Variants in MEI4 observed in about 807,000 individuals in gnomAD.
MEI4 encodes meiotic double-stranded break formation protein 4, also known as meiosis-specific protein MEI4.
Under a neutral mutation model 31.4 loss-of-function variants are expected in MEI4, and 27 were observed. The ratio of observed to expected loss-of-function variants is 0.86; its 90% CI spans 0.63 to 1.19. The LOEUF (loss-of-function observed/expected upper bound fraction) is 1.19, where lower values mean the gene tolerates loss of function less well. Ranked by LOEUF, MEI4 falls within the 50% of genes most tolerant of loss-of-function variation. The pLI is 0.00. For missense variants in MEI4, 329 were observed against 398.9 expected, an observed-to-expected ratio of 0.82 and a Z score of 1.49; for synonymous variants, 122 against 145.4, an observed-to-expected ratio of 0.84 and a Z score of 1.16.
intron 2 of MEI4, among the ~76,000 whole-genome samples, chr6:77,741,155 A>G (rs550791626): frequency 2.9e-4 from 44 of 152,304 alleles, no homozygotes; most frequent in African/African-American, 1.1e-3. Flanking sequence ...TATGTTAATT[A>G]GCATGGCATG....
intron 4 of MEI4, among the ~76,000 whole-genome samples, chr6:77,867,297 A>G (rs1376721955): frequency 2.0e-5 from 3 of 152,232 alleles, no homozygotes; most frequent in Non-Finnish European, 4.4e-5. Flanking sequence ...AACCTACAGA[A>G]TGGGAGAAAA....
intron 4 of MEI4, among the ~76,000 whole-genome samples, chr6:77,829,902 C>T (rs1770037452): frequency 6.6e-6 from 1 of 151,974 alleles, no homozygotes; most frequent in Non-Finnish European, 1.5e-5. Flanking sequence ...AAATATTATG[C>T]AATCTAATTG....
At chr6:77,735,647 C>T (rs182760530) in intron 2 of MEI4, among the ~76,000 whole-genome samples, 29 of 152,224 alleles carry the variant, frequency 1.9e-4, no homozygotes, top group Admixed American at 1.5e-3. Flanking sequence ...CAAAGTCATT[C>T]TCTGTCCAGC....
At chr6:77,873,198 A>T (rs959274286) in intron 4 of MEI4, among the ~76,000 whole-genome samples, 6 of 152,152 alleles carry the variant, frequency 3.9e-5, no homozygotes, top group Admixed American at 3.9e-4. Context: ...ACAATGGTTG[A>T]ACTAGTTTAC....
intron 3 of MEI4, among the ~76,000 whole-genome samples, chr6:77,775,254 A>G (rs757493594): frequency 6.6e-6 from 1 of 152,148 alleles, no homozygotes; most frequent in Non-Finnish European, 1.5e-5. Context: ...TAAGTTCTTT[A>G]GTCGTCATTT....
chr6:77,769,453 A>T (rs995255498), intron 3 of MEI4, among the ~76,000 whole-genome samples: 1 of 152,140 alleles, frequency 6.6e-6, no homozygotes, highest in African/African-American at 2.4e-5. Context: ...TTCCTGCACA[A>T]GTCCTGGTGC....
In MEI4 at chr6:77,835,373, AACACACAC is replaced by A. The variant is rs149668655; in HGVS notation, c.900+6335_900+6342del. ...GAAACTCCATAAGAAAACAAAACAAAACACACACACACACACACACACACACACACAAA... is the reference window on the plus strand; with the variant it reads ...GAAACTCCATAAGAAAACAAAACAAAACACACACACACACACACACACAAA... On this transcript the variant is annotated intron_variant, in intron 4 of 4. Transcript: ENST00000684080. 6.3e-3 allele frequency among the ~76,000 whole-genome samples: 608 copies of A among 96,792 alleles called. 4 individuals are homozygous for A. Among genetic ancestry groups the A allele is most frequent in the African/African-American group, 0.015 (438 of 28,566 alleles). The allele number at this position is 96,792 out of a possible 152,430, so 63.5% of individuals were successfully genotyped here. A position where few individuals can be genotyped will look rare whatever the true frequency, so the allele number is the denominator to read the frequency against.
intron 4 of MEI4, among the ~76,000 whole-genome samples, chr6:77,838,245 A>AT (rs397772103): frequency 0.094 from 13,954 of 147,888 alleles, 905 homozygotes; most frequent in East Asian, 0.3. Context: ...GTAACCAGAA[A>AT]TTTTTTTTTT....
At chr6:77,795,256 AAAC>A (rs1359023318) in intron 3 of MEI4, among the ~76,000 whole-genome samples, 1 of 152,182 alleles carries the variant, frequency 6.6e-6, no homozygotes, top group African/African-American at 2.4e-5. Flanking sequence ...ATAGACTTAA[AAAC>A]AACAAATCTC....
intron 4 of MEI4, among the ~76,000 whole-genome samples, chr6:77,866,992 T>C (rs1054942949): frequency 6.6e-6 from 1 of 152,048 alleles, no homozygotes; most frequent in Admixed American, 6.6e-5. Context: ...CTATTTAATA[T>C]ATGATGCTGG....
intron 2 of MEI4, among the ~76,000 whole-genome samples, chr6:77,712,339 G>A (rs1233172669): frequency 6.6e-6 from 1 of 151,958 alleles, no homozygotes; most frequent in African/African-American, 2.4e-5. Flanking sequence ...TAAATAATGG[G>A]GATATTATCT....
intron 3 of MEI4, among the ~76,000 whole-genome samples, chr6:77,789,999 C>T (rs1768870723): frequency 1.3e-5 from 2 of 151,962 alleles, no homozygotes; most frequent in South Asian, 4.2e-4. Context: ...AGTCTTGGAA[C>T]CAAGCCAAAT....
intron 4 of MEI4, among the ~76,000 whole-genome samples, chr6:77,896,138 A>G (rs762944194): frequency 3.3e-5 from 5 of 151,036 alleles, no homozygotes; most frequent in Non-Finnish European, 5.9e-5. Context: ...TGCAAGGTAC[A>G]GTTTTTGAAC....
At chr6:77,865,267 C>T (rs908890289) in intron 4 of MEI4, among the ~76,000 whole-genome samples, 1 of 152,036 alleles carries the variant, frequency 6.6e-6, no homozygotes, top group Admixed American at 6.5e-5. Flanking sequence ...CACAAAAAAC[C>T]CTTCAAAAAA....
chr6:77,906,876 A>G (rs1032921015), intron 4 of MEI4, among the ~76,000 whole-genome samples: 2 of 152,136 alleles, frequency 1.3e-5, no homozygotes, highest in African/African-American at 2.4e-5. Flanking sequence ...GTAGCTCTCT[A>G]TGGCTGCTAT....
At chr6:77,736,297 C>T (rs925676066) in intron 2 of MEI4, among the ~76,000 whole-genome samples, 4 of 151,904 alleles carry the variant, frequency 2.6e-5, no homozygotes, top group East Asian at 1.9e-4. Context: ...ACTCCGTGGG[C>T]GTATTACCCT....
At position 77,924,032 on chromosome 6, in the gene MEI4, G is replaced by GTAA; in HGVS notation, c.*688_*690dup. On this transcript the variant is annotated 3_prime_UTR_variant, in exon 5 of 5. Transcript: ENST00000684080. ...TAATTAAATATGTTATAATAGTCTT[G>GTAA]TAATTGTTAAATAGTATACAATTAA... 6.6e-6 allele frequency: 1 copy of GTAA among 151,616 alleles called. No individual in the cohort carries two copies. Among genetic ancestry groups the GTAA allele is most frequent in the South Asian group, 2.1e-4 (1 of 4,812 alleles). 9.4% of individuals were successfully genotyped at this position (151,616 alleles called of 1,614,324 possible). A position where few individuals can be genotyped will look rare whatever the true frequency, so the allele number is the denominator to read the frequency against.
upstream of MEI4, among the ~76,000 whole-genome samples, chr6:77,650,721 T>G (rs1768285114): frequency 6.6e-6 from 1 of 152,240 alleles, no homozygotes; most frequent in African/African-American, 2.4e-5. Context: ...TGTATGGAGC[T>G]CCGCACACGT....
At chr6:77,787,293 A>G (rs1768764744) in intron 3 of MEI4, among the ~76,000 whole-genome samples, 1 of 152,184 alleles carries the variant, frequency 6.6e-6, no homozygotes, top group Admixed American at 6.6e-5. Flanking sequence ...GCACCTGCTA[A>G]TGGGCCTTCA....
Sources: gnomAD v4.1 joint callset for allele counts (sites outside exome capture counted in the v4.1 genomes callset) on GRCh38, gnomAD v4.1.1 for gene constraint, MANE v1.5 for transcripts, NCBI Gene and HGNC (gene_info 2026-07-23, HGNC 2026-07-21) for gene names.